ASTN2: variants seen among roughly 807,000 people sequenced by gnomAD.
The protein encoded by ASTN2 is astrotactin-2.
Under a neutral mutation model 139.8 loss-of-function variants are expected in ASTN2, and 54 were observed. The observed-to-expected ratio is 0.39, with a 90% CI of 0.31 to 0.48. The LOEUF is 0.48. Ranked by LOEUF, ASTN2 falls within the 20% of genes least tolerant of loss-of-function variation. ASTN2 has a pLI of 0.95. For missense variants in ASTN2, 1,565 were observed against 1,725.1 expected, an observed-to-expected ratio of 0.91 and a Z score of 1.64; for synonymous variants, 756 against 719.5, an observed-to-expected ratio of 1.05 and a Z score of -0.81.
chr9:116,996,898 T>G (rs893190221), intron 7 of ASTN2, among the ~76,000 whole-genome samples: 2 of 152,174 alleles, frequency 1.3e-5, no homozygotes, highest in Non-Finnish European at 2.9e-5. Context: ...AATATATTTT[T>G]TAACACATTT....
intron 3 of ASTN2, among the ~76,000 whole-genome samples, chr9:117,163,908 A>G (rs2132908077): frequency 1.3e-5 from 2 of 152,226 alleles, no homozygotes; most frequent in Middle Eastern, 6.8e-3. Context: ...GGCAAAGGCC[A>G]TATTTGTATA....
chr9:117,318,071 C>G (rs989120546), intron 1 of ASTN2, among the ~76,000 whole-genome samples: 1 of 152,162 alleles, frequency 6.6e-6, no homozygotes, highest in Non-Finnish European at 1.5e-5. Flanking sequence ...GGGATGCAGG[C>G]AGAATGAAAC....
chr9:117,357,597 T>C (rs2185342), intron 1 of ASTN2, among the ~76,000 whole-genome samples: 130,406 of 151,574 alleles, frequency 0.86, 56,295 homozygotes, highest in East Asian at 0.99. Context: ...GCAGAGAAGG[T>C]GGAATTAAAG....
intron 5 of ASTN2, among the ~76,000 whole-genome samples, chr9:117,070,628 C>A (rs372462537): frequency 0.094 from 12,945 of 137,812 alleles, 485 homozygotes; most frequent in East Asian, 0.14. Context: ...TCCATTCTCC[C>A]CATCACTTTC....
chr9:117,196,569 C>G (rs1831509349), intron 3 of ASTN2, among the ~76,000 whole-genome samples: 1 of 152,166 alleles, frequency 6.6e-6, no homozygotes, highest in African/African-American at 2.4e-5. Flanking sequence ...TCCTATCTAT[C>G]ACTGTCGGCC....
At chr9:117,089,341 T>C (rs1478396199) in intron 5 of ASTN2, among the ~76,000 whole-genome samples, 3 of 152,204 alleles carry the variant, frequency 2.0e-5, no homozygotes, top group Admixed American at 2.0e-4. Flanking sequence ...CCGATGAATA[T>C]ATGTTAAATT....
chr9:116,984,073 T>C (rs1445728037), intron 7 of ASTN2, among the ~76,000 whole-genome samples: 4 of 152,252 alleles, frequency 2.6e-5, no homozygotes, highest in African/African-American at 9.6e-5. Flanking sequence ...TCTTTCCTAA[T>C]TGGAAACTTC....
intron 7 of ASTN2, among the ~76,000 whole-genome samples, chr9:117,003,403 C>G (rs1028322441): frequency 6.6e-6 from 1 of 152,080 alleles, no homozygotes; most frequent in Non-Finnish European, 1.5e-5. Flanking sequence ...TATATCCTGG[C>G]TTTGCAGTTT....
chr9:116,794,298 A>G lies in ASTN2; in HGVS notation c.2396+11334T>C, dbSNP rs368534743. Among the ~76,000 whole-genome samples, 10 of 151,446 alleles carry G rather than the reference A, an allele frequency of 6.6e-5. No individual in the cohort carries two copies. In the East Asian group the frequency reaches 9.7e-4, roughly 15 times the overall value. The stretch of plus-strand genomic sequence containing the variant: ...TTTTTAGTAGAGATGGGATTTCTCC[A>G]TGTTGGTCAGGCTGGTCTCGAACTC... On this transcript the variant is annotated intron_variant, in intron 13 of 22. Coordinates refer to ENST00000313400, the MANE Select transcript of ASTN2 (RefSeq NM_001365068.1).
At chr9:117,362,868 G>A (rs547518889) in intron 1 of ASTN2, among the ~76,000 whole-genome samples, 2 of 152,196 alleles carry the variant, frequency 1.3e-5, no homozygotes, top group East Asian at 1.9e-4. Flanking sequence ...ACCCACACCA[G>A]TCTCTTTTCC....
At chr9:117,108,053 A>C (rs1829151099) in intron 4 of ASTN2, among the ~76,000 whole-genome samples, 1 of 152,170 alleles carries the variant, frequency 6.6e-6, no homozygotes, top group Non-Finnish European at 1.5e-5. Flanking sequence ...CTAAACATTT[A>C]TGTATGGTAC....
At chr9:116,481,836 G>A (rs760089484) in intron 20 of ASTN2, among the ~76,000 whole-genome samples, 1 of 152,184 alleles carries the variant, frequency 6.6e-6, no homozygotes, top group Non-Finnish European at 1.5e-5. Flanking sequence ...TTTGCAGTTA[G>A]GAAGTTCTCT....
chr9:116,551,427 C>T (rs565322994), intron 19 of ASTN2, among the ~76,000 whole-genome samples: 1 of 152,172 alleles, frequency 6.6e-6, no homozygotes, highest in Non-Finnish European at 1.5e-5. Context: ...TTCATCTGGG[C>T]CGTATAGACT....
chr9:117,247,980 C>A (rs1833431283), intron 2 of ASTN2, among the ~76,000 whole-genome samples: 1 of 152,176 alleles, frequency 6.6e-6, no homozygotes, highest in South Asian at 2.1e-4. Flanking sequence ...GCACAGTGAT[C>A]TTTTTATTCT....
At chr9:116,600,738 T>C (rs10441750) in intron 19 of ASTN2, among the ~76,000 whole-genome samples, 61,361 of 152,006 alleles carry the variant, frequency 0.4, 13,290 homozygotes, top group Admixed American at 0.5. Flanking sequence ...ATCCCTCCTA[T>C]AGTCCCTTCT....
chr9:116,782,965 T>C (rs1215127954), intron 13 of ASTN2, among the ~76,000 whole-genome samples: 1 of 152,160 alleles, frequency 6.6e-6, no homozygotes, highest in Non-Finnish European at 1.5e-5. Context: ...GTGTATGAGT[T>C]CAGTAGGTAG....
At chr9:116,548,609 A>G (rs1852206512) in intron 19 of ASTN2, among the ~76,000 whole-genome samples, 1 of 151,958 alleles carries the variant, frequency 6.6e-6, no homozygotes, top group African/African-American at 2.4e-5. Flanking sequence ...AGTATCTGGG[A>G]TTACAGGTGC....
At chr9:116,618,573 A>C in intron 18 of ASTN2, 101 bp from the exon 19 acceptor site, 1 of 1,361,550 alleles carries the variant, frequency 7.3e-7, no homozygotes, top group Non-Finnish European at 9.8e-7. Context: ...TTCAGTCTGA[A>C]TTTAAATCTT....
intron 19 of ASTN2, among the ~76,000 whole-genome samples, chr9:116,589,156 C>A (rs1233830095): frequency 6.6e-6 from 1 of 152,144 alleles, no homozygotes; most frequent in African/African-American, 2.4e-5. Flanking sequence ...TGTAGTTCAA[C>A]ATACTGGTTG....
Sources: allele counts gnomAD v4.1 joint callset (sites outside exome capture counted in the v4.1 genomes callset), GRCh38; gene constraint gnomAD v4.1.1; transcripts MANE v1.5; gene names NCBI Gene and HGNC (gene_info 2026-07-23, HGNC 2026-07-21).